Variants in ERC2 observed in about 807,000 individuals in gnomAD.
The protein encoded by ERC2 is ERC protein 2.
A neutral mutation model predicts 114.8 loss-of-function variants in ERC2; 42 were observed. That is an observed-to-expected ratio of 0.37 (90% CI 0.29 to 0.47). The LOEUF (loss-of-function observed/expected upper bound fraction) is 0.47. ERC2 is among the 20% of genes least tolerant of loss of function. The pLI is 0.99. For missense variants in ERC2, 939 were observed against 1,150.7 expected (o/e 0.82, Z 2.66); for synonymous variants, 454 against 425.5 (o/e 1.07, Z -0.82).
chr3:55,916,235 C>G (rs2065085675), intron 13 of ERC2, among the ~76,000 whole-genome samples: 1 of 152,124 alleles, frequency 6.6e-6, no homozygotes, highest in Non-Finnish European at 1.5e-5. Flanking sequence ...CCATAAAATG[C>G]CTAGCATGCC....
At chr3:55,767,105 C>T (rs2149012165) in intron 14 of ERC2, among the ~76,000 whole-genome samples, 1 of 152,318 alleles carries the variant, frequency 6.6e-6, no homozygotes. Flanking sequence ...AAAGGTCTTG[C>T]TGCATTCATG....
intron 13 of ERC2, among the ~76,000 whole-genome samples, chr3:55,898,254 G>A (rs2063936022): frequency 6.6e-6 from 1 of 152,144 alleles, no homozygotes; most frequent in South Asian, 2.1e-4. Flanking sequence ...TCAAGAAAAA[G>A]GCTGTGGGGG....
intron 14 of ERC2, among the ~76,000 whole-genome samples, chr3:55,851,900 A>G (rs1437528442): frequency 6.6e-6 from 1 of 152,212 alleles, no homozygotes; most frequent in Non-Finnish European, 1.5e-5. Flanking sequence ...CCTTACTGGC[A>G]GTTTGTTTTA....
At chr3:56,220,280 A>G (rs1484555437) in intron 3 of ERC2, among the ~76,000 whole-genome samples, 2 of 152,298 alleles carry the variant, frequency 1.3e-5, no homozygotes, top group East Asian at 3.9e-4. Context: ...TGCATTTCCC[A>G]AAAGATTTTC....
At chr3:56,411,953 G>A (rs2060957462) in intron 2 of ERC2, among the ~76,000 whole-genome samples, 1 of 152,148 alleles carries the variant, frequency 6.6e-6, no homozygotes, top group Admixed American at 6.5e-5. Flanking sequence ...GCCCCAAAAA[G>A]CATATGTCCA....
At chr3:55,653,237 T>G (rs955008827) in intron 17 of ERC2, among the ~76,000 whole-genome samples, 1 of 152,224 alleles carries the variant, frequency 6.6e-6, no homozygotes, top group Non-Finnish European at 1.5e-5. Context: ...TAAGTGCATA[T>G]TCAAAATCAT....
At chr3:55,543,689 A>G (rs1260052722) in intron 17 of ERC2, among the ~76,000 whole-genome samples, 1 of 152,158 alleles carries the variant, frequency 6.6e-6, no homozygotes, top group Non-Finnish European at 1.5e-5. Flanking sequence ...GGACGGATTC[A>G]CCCAGTCCAT....
At chr3:55,571,124 CAAAAAA>C (rs60594862) in intron 17 of ERC2, among the ~76,000 whole-genome samples, 29 of 67,440 alleles carry the variant, frequency 4.3e-4, no homozygotes, top group African/African-American at 1.2e-3. Context: ...GAGACTCCGT[CAAAAAA>C]AAAAAAAAAA....
intron 10 of ERC2, among the ~76,000 whole-genome samples, chr3:55,993,854 A>C (rs953887561): frequency 6.6e-6 from 1 of 152,140 alleles, no homozygotes; most frequent in African/African-American, 2.4e-5. Context: ...CTGAAAGAGA[A>C]TCCTGAGCTA....
In ERC2 at chr3:55,554,078, T is replaced by C. The variant is rs367847565; in HGVS notation, c.*40-42802A>G. Reference sequence around the variant, plus strand: ...GGAAAACAATGTCTTTTATGAAGTATCTAAATACATCTGAGAGGAAATAAT... The same window carrying C: ...GGAAAACAATGTCTTTTATGAAGTACCTAAATACATCTGAGAGGAAATAAT... On this transcript the variant is annotated intron_variant, in intron 17 of 17. Transcript: ENST00000288221. Among the ~76,000 whole-genome samples, 7 of 152,156 alleles carry C rather than the reference T, an allele frequency of 4.6e-5. No homozygotes were observed. The East Asian group carries it at 7.7e-4, about 17-fold the overall frequency.
At chr3:55,754,437 A>G (rs2066918435) in intron 14 of ERC2, among the ~76,000 whole-genome samples, 1 of 150,458 alleles carries the variant, frequency 6.6e-6, no homozygotes, top group African/African-American at 2.4e-5. Context: ...TTCTTTAATC[A>G]CCTAGCAGGA....
intron 4 of ERC2, among the ~76,000 whole-genome samples, chr3:56,170,430 A>T (rs2150014620): frequency 6.6e-6 from 1 of 152,244 alleles, no homozygotes; most frequent in South Asian, 2.1e-4. Context: ...TTTAGGCAAG[A>T]TTTCACAGAC....
chr3:56,247,461 C>T (rs572704592), intron 3 of ERC2, among the ~76,000 whole-genome samples: 143 of 152,302 alleles, frequency 9.4e-4, no homozygotes, highest in African/African-American at 3.3e-3. Flanking sequence ...ATGATAAAAA[C>T]ATTTCCCTTC....
intron 14 of ERC2, among the ~76,000 whole-genome samples, chr3:55,815,297 G>A (rs1374058504): frequency 6.6e-6 from 1 of 152,168 alleles, no homozygotes; most frequent in Non-Finnish European, 1.5e-5. Context: ...AATATATTAT[G>A]TTACCTGGCA....
At chr3:56,348,947 GGAAGGAAGGAAA>G (rs1560643087) in intron 2 of ERC2, among the ~76,000 whole-genome samples, 6 of 77,924 alleles carry the variant, frequency 7.7e-5, no homozygotes, top group Admixed American at 1.3e-4. Flanking sequence ...AAGGAAGGAA[GGAAGGAAGGAAA>G]GAAAGAAAGA....
Position 56,457,646 on chromosome 3 carries a change from A to G in ERC2, c.-141+10602T>C, listed in dbSNP as rs1048603388. Among the ~76,000 whole-genome samples the G allele has an allele frequency of 5.9e-5, 9 of 151,800 alleles. No individual in the cohort carries two copies. The East Asian group carries it at 1.7e-3, about 29-fold the overall frequency. Reference sequence around the variant, plus strand: ...CTCACAGGGTCTTATGCCCTGTCACACTCTCTGGCTCCTCTCACCATCCCT... The same window carrying G: ...CTCACAGGGTCTTATGCCCTGTCACGCTCTCTGGCTCCTCTCACCATCCCT... On this transcript the variant is annotated intron_variant, in intron 1 of 17. Transcript: ENST00000288221.
intron 14 of ERC2, among the ~76,000 whole-genome samples, chr3:55,821,947 A>T (rs1398325710): frequency 6.6e-6 from 1 of 152,240 alleles, no homozygotes; most frequent in Admixed American, 6.5e-5. Flanking sequence ...AGGTGTGTTC[A>T]TGCTATGCTC....
At chr3:55,554,395 C>T (rs2055447008) in intron 17 of ERC2, among the ~76,000 whole-genome samples, 2 of 152,214 alleles carry the variant, frequency 1.3e-5, no homozygotes. Context: ...AGTAGAAAGG[C>T]CTTTCAGGCA....
At chr3:56,180,814 C>A (rs146264386) in intron 3 of ERC2, among the ~76,000 whole-genome samples, 128 of 152,250 alleles carry the variant, frequency 8.4e-4, no homozygotes, top group African/African-American at 3.0e-3. Flanking sequence ...GTGTATTTTA[C>A]CACAATTAAA....
Sources: gnomAD v4.1 joint callset for allele counts (sites outside exome capture counted in the v4.1 genomes callset) on GRCh38, gnomAD v4.1.1 for gene constraint, MANE v1.5 for transcripts, NCBI Gene and HGNC (gene_info 2026-07-23, HGNC 2026-07-21) for gene names.